The following KAZN variants were observed in gnomAD, a reference collection of about 807,000 sequenced individuals.
KAZN encodes the protein kazrin, periplakin interacting protein, also known as kazrin.
In KAZN, 40 loss-of-function variants were observed where a neutral mutation model predicts 87.4. The observed-to-expected ratio is 0.46, with a 90% confidence interval of 0.36 to 0.60. KAZN has a LOEUF of 0.60. Ranked by LOEUF, KAZN falls within the 20% of genes least tolerant of loss-of-function variation. The probability of loss-of-function intolerance (pLI) is 0.00; values close to 1 mark genes in which losing one functional copy is unlikely to be tolerated. For synonymous variants in KAZN, 466 were observed against 458.3 expected (o/e 1.02, Z -0.22); for missense variants, 898 against 1,073.9 (o/e 0.84, Z 2.29).
Position 14,534,833 on chromosome 1 carries a change from G to A in KAZN, c.250-64150G>A, listed in dbSNP as rs569079541. 1.2e-4 allele frequency among the ~76,000 whole-genome samples: 18 copies of A among 152,104 alleles called. No homozygotes were observed. The South Asian group carries it at 2.1e-3, about 18-fold the overall frequency. On this transcript the variant is annotated intron_variant, in intron 2 of 16. Transcript: ENST00000636203. ...ACTCAAAATCTCTGGTTCTATCAGC[G>A]TTTTGAAACTCATCTATGGAGAAGG...
chr1:14,720,683 C>T (rs1387064128), intron 1 of KAZN, among the ~76,000 whole-genome samples: 7 of 152,186 alleles, frequency 4.6e-5, no homozygotes, highest in Non-Finnish European at 7.3e-5. Flanking sequence ...TCGCTCACAT[C>T]GGCAGGCTTT....
At chr1:14,852,085 A>G (rs898401746) in intron 1 of KAZN, among the ~76,000 whole-genome samples, 1 of 152,052 alleles carries the variant, frequency 6.6e-6, no homozygotes, top group African/African-American at 2.4e-5. Context: ...CAGGTTCCTC[A>G]CCTGGGAGGC....
At chr1:14,113,226 T>C (rs188998471) in intron 1 of KAZN, among the ~76,000 whole-genome samples, 22 of 152,308 alleles carry the variant, frequency 1.4e-4, no homozygotes, top group Non-Finnish European at 2.2e-4. Context: ...CTTGATTCTT[T>C]CTCTGGCATA....
chr1:14,488,042 T>G (rs1669439931), intron 2 of KAZN, among the ~76,000 whole-genome samples: 2 of 152,204 alleles, frequency 1.3e-5, no homozygotes, highest in South Asian at 4.1e-4. Flanking sequence ...CCCCAGCACC[T>G]AACACAATAT....
chr1:14,633,434 C>T (rs1165248420), intron 1 of KAZN, among the ~76,000 whole-genome samples: 1 of 152,216 alleles, frequency 6.6e-6, no homozygotes, highest in Non-Finnish European at 1.5e-5. Flanking sequence ...CTAGAAGGGG[C>T]CTTGAGCCAA....
intron 1 of KAZN, among the ~76,000 whole-genome samples, chr1:14,051,911 C>T (rs1570620464): frequency 1.3e-5 from 2 of 152,306 alleles, no homozygotes; most frequent in African/African-American, 4.8e-5. Flanking sequence ...TGTTACTTAC[C>T]ATGCCTGTCC....
At chr1:14,914,004 C>T (rs932435608) in intron 1 of KAZN, among the ~76,000 whole-genome samples, 1 of 152,232 alleles carries the variant, frequency 6.6e-6, no homozygotes, top group Admixed American at 6.5e-5. Context: ...CCTTGCCACG[C>T]TCCACTGCCT....
At chr1:14,568,569 A>G (rs1337583554) in intron 2 of KAZN, among the ~76,000 whole-genome samples, 1 of 152,216 alleles carries the variant, frequency 6.6e-6, no homozygotes, top group South Asian at 2.1e-4. Flanking sequence ...CACTATCATG[A>G]GAACAGCACA....
chr1:14,844,746 A>G (rs1256523617), intron 1 of KAZN, among the ~76,000 whole-genome samples: 1 of 145,526 alleles, frequency 6.9e-6, no homozygotes, highest in Non-Finnish European at 1.5e-5. Flanking sequence ...GGGCAGCCTG[A>G]GAAGGTGGCA....
At chr1:14,873,128 ATGG>A in intron 1 of KAZN, among the ~76,000 whole-genome samples, 1 of 146,362 alleles carries the variant, frequency 6.8e-6, no homozygotes, top group Non-Finnish European at 1.5e-5. Context: ...GGATGGGTGG[ATGG>A]ATGGATGGAT....
intron 2 of KAZN, among the ~76,000 whole-genome samples, chr1:14,344,124 C>T (rs971768454): frequency 8.6e-5 from 13 of 151,756 alleles, no homozygotes; most frequent in South Asian, 2.1e-4. Flanking sequence ...GCATTCCAAC[C>T]TCCAGAGAAG....
chr1:14,542,490 A>G (rs1672873975), intron 2 of KAZN, among the ~76,000 whole-genome samples: 4 of 152,240 alleles, frequency 2.6e-5, no homozygotes, highest in African/African-American at 7.2e-5. Context: ...ATATTTATAC[A>G]TATACTTCAG....
intron 1 of KAZN, among the ~76,000 whole-genome samples, chr1:14,603,884 A>G (rs1677159049): frequency 6.6e-6 from 1 of 152,162 alleles, no homozygotes; most frequent in Admixed American, 6.5e-5. Context: ...CTCACCGTGC[A>G]TATCATATGG....
intron 1 of KAZN, among the ~76,000 whole-genome samples, chr1:14,886,125 A>G (rs1188650778): frequency 6.6e-6 from 1 of 152,184 alleles, no homozygotes; most frequent in Non-Finnish European, 1.5e-5. Context: ...TCACTGAAAA[A>G]AATACACCTG....
chr1:14,046,978 C>T (rs4661467), intron 1 of KAZN, among the ~76,000 whole-genome samples: 120,336 of 152,124 alleles, frequency 0.79, 48,081 homozygotes, highest in African/African-American at 0.9. Context: ...CCTGGGGCAC[C>T]TTATGAGCCT....
At chr1:14,957,363 G>T (rs1249631416) in intron 1 of KAZN, among the ~76,000 whole-genome samples, 1 of 152,216 alleles carries the variant, frequency 6.6e-6, no homozygotes, top group Non-Finnish European at 1.5e-5. Flanking sequence ...TATGAGGCAG[G>T]GGCCTCTCCA....
At chr1:14,151,172 G>A (rs570865565) in intron 1 of KAZN, among the ~76,000 whole-genome samples, 4 of 150,004 alleles carry the variant, frequency 2.7e-5, no homozygotes, top group African/African-American at 9.8e-5. Context: ...TTCATAGGGT[G>A]TTTACTAATT....
chr1:14,609,764 C>T (rs2148618377), intron 1 of KAZN, among the ~76,000 whole-genome samples: 1 of 152,350 alleles, frequency 6.6e-6, no homozygotes, highest in South Asian at 2.1e-4. Flanking sequence ...TCCAAGTGGT[C>T]CATGTGATTG....
intron 1 of KAZN, among the ~76,000 whole-genome samples, chr1:14,006,014 A>G (rs1340945513): frequency 6.6e-6 from 1 of 152,202 alleles, no homozygotes; most frequent in Non-Finnish European, 1.5e-5. Context: ...GGTTTAGTAG[A>G]TGCATTCTCA....
Sources: allele counts gnomAD v4.1 joint callset (sites outside exome capture counted in the v4.1 genomes callset), GRCh38; gene constraint gnomAD v4.1.1; transcripts MANE v1.5; gene names NCBI Gene and HGNC (gene_info 2026-07-23, HGNC 2026-07-21).